The following DGKA variants were observed in gnomAD, a reference collection of about 807,000 sequenced individuals.
DGKA encodes diacylglycerol kinase alpha.
In DGKA, 35 loss-of-function variants were observed where a neutral mutation model predicts 105.0. The ratio of observed to expected loss-of-function variants is 0.33; its 90% confidence interval spans 0.25 to 0.44. The LOEUF (loss-of-function observed/expected upper bound fraction) is 0.44, where lower values mean the gene tolerates loss of function less well. Among genes scored for constraint, DGKA ranks in the 20% least tolerant of loss-of-function variants. The pLI is 1.00. For missense variants in DGKA, 665 were observed against 915.0 expected (o/e 0.73, Z 3.53); for synonymous variants, 296 against 332.0 (o/e 0.89, Z 1.18).
chr12:55,938,495 CT>C lies in DGKA; in HGVS notation c.350-15del. ...CTCTCACAAACTGACCCTGGCCCCCCTAAAACACCCCACAGTCACCTTCAAG... is the reference window on the plus strand; with the variant it reads ...CTCTCACAAACTGACCCTGGCCCCCCAAAACACCCCACAGTCACCTTCAAG... On this transcript the variant is annotated splice_polypyrimidine_tract_variant and intron_variant, in intron 5 of 23. Coordinates refer to ENST00000331886, the MANE Select transcript of DGKA (RefSeq NM_001345.5). The C allele has an allele frequency of 9.9e-6, 16 of 1,613,724 alleles. No individual in the cohort carries two copies. The highest frequency in any genetic ancestry group is 1.4e-5 in the Non-Finnish European group (16 of 1,179,772).
intron 16 of DGKA, 45 bp from the exon 17 acceptor site, chr12:55,942,129 T>TG (rs767249683): frequency 2.5e-6 from 4 of 1,614,060 alleles, no homozygotes; most frequent in Non-Finnish European, 1.7e-6. Flanking sequence ...GTCGTAGTCT[T>TG]GCAGAGCTAA....
intron 17 of DGKA, among the ~76,000 whole-genome samples, chr12:55,950,269 G>A (rs1008226032): frequency 6.1e-5 from 9 of 148,242 alleles, no homozygotes; most frequent in South Asian, 2.2e-4. Context: ...CATCGCGCCC[G>A]GCCTACACCT....
chr12:55,953,492 C>T, intron 23 of DGKA, 82 bp downstream of exon 23: 4 of 1,435,834 alleles, frequency 2.8e-6, no homozygotes. Context: ...TTCTTTACAC[C>T]CTTCTGATGC....
chr12:55,949,792 A>G lies in DGKA; in HGVS notation c.1427-1831A>G, dbSNP rs1346714150. 5.9e-5 allele frequency among the ~76,000 whole-genome samples: 9 copies of G among 151,764 alleles called. 1 individual carries two copies. On this transcript the variant is annotated intron_variant, in intron 17 of 23. Coordinates refer to ENST00000331886, the MANE Select transcript of DGKA (RefSeq NM_001345.5). ...CTTCTATCATAGGCTTGTTTGTATT[A>G]TTTGCACATTTTTCCTTTTTTGTTT...
At position 55,953,860 on chromosome 12, in the gene DGKA, T is replaced by G; in HGVS notation, c.*92T>G. On this transcript the variant is annotated 3_prime_UTR_variant, in exon 24 of 24. Coordinates refer to ENST00000331886, the MANE Select transcript of DGKA (RefSeq NM_001345.5). ...GGCTCTGTACATTGCTGCCACATAC[T>G]CCTGCCAGCTTGGGGGAGTGTTCCT... The G allele has an allele frequency of 8.9e-7, 1 of 1,121,064 alleles. No individual in the cohort carries two copies. Among genetic ancestry groups the G allele is most frequent in the South Asian group, 1.3e-5 (1 of 74,758 alleles). The allele number at this position is 1,121,064 out of a possible 1,614,324, so 69.4% of individuals were successfully genotyped here.
At chr12:55,945,774 C>A (rs995284407) in intron 17 of DGKA, among the ~76,000 whole-genome samples, 1 of 151,578 alleles carries the variant, frequency 6.6e-6, no homozygotes, top group Non-Finnish European at 1.5e-5. Context: ...CCAGTATGAT[C>A]CCCCATCTCA....
intron 1 of DGKA, 176 bp from the exon 2 acceptor site, chr12:55,936,247 G>A: frequency 7.3e-6 from 5 of 687,638 alleles, no homozygotes; most frequent in Non-Finnish European, 1.1e-5. Flanking sequence ...CACTGTCAGG[G>A]AAGGTAGAGG....
At chr12:55,939,595 T>C in intron 9 of DGKA, 66 bp downstream of exon 9, 1 of 1,523,650 alleles carries the variant, frequency 6.6e-7, no homozygotes, top group South Asian at 1.1e-5. Flanking sequence ...AGCTTGATGC[T>C]GTAAACTTAG....
chr12:55,936,482 C>A lies in DGKA; in HGVS notation c.-22C>A. The A allele has an allele frequency of 6.2e-7, 1 of 1,612,496 alleles. No individual in the cohort carries two copies. The highest frequency in any genetic ancestry group is 8.5e-7 in the Non-Finnish European group (1 of 1,178,870). ...ACTACTACGAAGCTGCCTTTCTGGC[C>A]ATCCTTGAGAAAAATAGACAGATGG... On this transcript the variant is annotated 5_prime_UTR_variant, in exon 2 of 24. Coordinates refer to ENST00000331886, the MANE Select transcript of DGKA (RefSeq NM_001345.5).
Position 55,940,167 on chromosome 12 carries a change from T to C in DGKA, c.795T>C (p.Ile265=), listed in dbSNP as rs755946391. The C allele has an allele frequency of 2.5e-6, 4 of 1,614,178 alleles. No individual in the cohort carries two copies. The highest frequency in any genetic ancestry group is 1.7e-5 in the Admixed American group (1 of 60,028). ...VSTYAKSRKD[I]GVQSHVWVRG... is the part of the protein sequence containing the mutation. Reference sequence around the variant, plus strand: ...CCTATGCCAAGTCTCGGAAGGACATTGGTGTGAGTGATCTCATGCCTCCAC... The same window carrying C: ...CCTATGCCAAGTCTCGGAAGGACATCGGTGTGAGTGATCTCATGCCTCCAC... The change falls in exon 10 of 24, where the codon ATT becomes ATC. Residue 265 remains isoleucine, a synonymous_variant. Transcript: ENST00000331886. The surrounding 1 kb of genome is among the most constrained non-coding windows in gnomAD (Gnocchi z 4.3).
chr12:55,942,098 G>A lies in DGKA; in HGVS notation c.1336+15G>A. On this transcript the variant is annotated intron_variant, in intron 16 of 23. Transcript: ENST00000331886. ...AGAGACCATTGGTCAGTGCAGGGAGGGGCGTGGGGAAGGTATTGGGGTCGT... is the reference window on the plus strand; with the variant it reads ...AGAGACCATTGGTCAGTGCAGGGAGAGGCGTGGGGAAGGTATTGGGGTCGT... 6.2e-7 allele frequency: 1 copy of A among 1,614,052 alleles called. No homozygotes were observed. The highest frequency in any genetic ancestry group is 8.5e-7 in the Non-Finnish European group (1 of 1,179,952).
chr12:55,946,661 TCA>T (rs1887072489), intron 17 of DGKA, among the ~76,000 whole-genome samples: 1 of 152,202 alleles, frequency 6.6e-6, no homozygotes, highest in Non-Finnish European at 1.5e-5. Context: ...CCAGCAATAT[TCA>T]CAGTTTCTTG....
At chr12:55,947,836 G>A in intron 17 of DGKA, among the ~76,000 whole-genome samples, 1 of 151,980 alleles carries the variant, frequency 6.6e-6, no homozygotes, top group East Asian at 1.9e-4. Context: ...TGTTACCCAG[G>A]CTGGAGTGCT....
At chr12:55,941,123 G>C in intron 13 of DGKA, 129 bp from the exon 14 acceptor site, 3 of 1,353,438 alleles carry the variant, frequency 2.2e-6, no homozygotes, top group South Asian at 1.3e-5. Context: ...GGGAGGGAAG[G>C]GGAGGGAAAC....
At chr12:55,948,742 G>A (rs1214997458) in intron 17 of DGKA, among the ~76,000 whole-genome samples, 1 of 148,484 alleles carries the variant, frequency 6.7e-6, no homozygotes, top group Non-Finnish European at 1.5e-5. Flanking sequence ...TACACAAATG[G>A]GCTGGGCGCA....
rs559531327 is a variant in DGKA at position 55,942,220 on chromosome 12, G to C, written c.1383G>C (p.Leu461=). 4 of 1,614,198 alleles carry C rather than the reference G, an allele frequency of 2.5e-6. No individual in the cohort carries two copies. The African/African-American group carries it at 4.0e-5, about 16-fold the overall frequency. ...PVLPPVAVLP[L]GTGNDLARCL... is the part of the protein sequence containing the mutation. ...TGCCTCCTGTTGCTGTGTTGCCCCT[G>C]GGTACTGGAAATGATCTGGCTCGAT... The change falls in exon 17 of 24, where the codon CTG becomes CTC. Residue 461 remains leucine, a synonymous_variant. Coordinates refer to ENST00000331886, the MANE Select transcript of DGKA (RefSeq NM_001345.5).
At chr12:55,936,023 A>G (rs1202810615) in intron 1 of DGKA, 2 of 990,446 alleles carry the variant, frequency 2.0e-6, no homozygotes, top group South Asian at 4.6e-5. Flanking sequence ...GAGAGAGCTC[A>G]GGATGGGGAG....
At chr12:55,936,748 A>C in intron 2 of DGKA, 181 bp downstream of exon 2, 1 of 976,650 alleles carries the variant, frequency 1.0e-6, no homozygotes, top group Non-Finnish European at 1.6e-6. Flanking sequence ...AAAGATCCGG[A>C]TCTACCACAG....
intron 17 of DGKA, among the ~76,000 whole-genome samples, chr12:55,944,387 C>T (rs950541323): frequency 1.3e-5 from 2 of 152,178 alleles, no homozygotes; most frequent in African/African-American, 4.8e-5. Flanking sequence ...AGGATTGCTT[C>T]AGCTGAAAAG....
Sources: gnomAD v4.1 joint callset for allele counts (sites outside exome capture counted in the v4.1 genomes callset) on GRCh38, gnomAD v4.1.1 for gene constraint, Gnocchi (gnomAD v3.1) non-coding constraint, MANE v1.5 for transcripts, NCBI Gene and HGNC (gene_info 2026-07-23, HGNC 2026-07-21) for gene names.